FAM240C: variants seen among roughly 807,000 people sequenced by gnomAD.
FAM240C encodes the protein protein FAM240C.
FAM240C carries 14 observed loss-of-function variants against 10.0 expected under a neutral mutation model. The observed-to-expected ratio is 1.40, with a 90% CI of 0.92 to 2.19. The LOEUF (loss-of-function observed/expected upper bound fraction) is 2.19. Ranked by LOEUF, FAM240C falls within the 30% of genes most tolerant of loss-of-function variation. The pLI, the probability that FAM240C is intolerant of heterozygous loss-of-function variation, is 0.00. For synonymous variants in FAM240C, 49 were observed against 44.3 expected, an observed-to-expected ratio of 1.11 and a Z score of -0.42; for missense variants, 154 against 122.3, an observed-to-expected ratio of 1.26 and a Z score of -1.22.
chr2:241,894,450 T>C (rs1701738554), intron 2 of FAM240C, 111 bp from the exon 3 acceptor site: 3 of 1,234,424 alleles, frequency 2.4e-6, no homozygotes, highest in Non-Finnish European at 3.3e-6. Context: ...AGTATGACAC[T>C]CCCTGCCAGG....
rs1393132162 is a variant in FAM240C at position 241,900,069 on chromosome 2, AAAC to A, written c.12+286_12+288del. Reference sequence around the variant, plus strand: ...GCGACAGAGCGAGACTCCATCTCATAAACAACAACAACAGCAACAAAACAAAAC... The same window carrying A: ...GCGACAGAGCGAGACTCCATCTCATAAACAACAACAGCAACAAAACAAAAC... On this transcript the variant is annotated intron_variant, in intron 1 of 2. Coordinates refer to ENST00000404031, the MANE Select transcript of FAM240C (RefSeq NM_001382368.1). This position sits in a 1 kb window ranked among gnomAD's most constrained non-coding sequence, Gnocchi z 4.5. 1.3e-5 allele frequency among the ~76,000 whole-genome samples: 2 copies of A among 152,168 alleles called. No individual in the cohort carries two copies. The highest frequency in any genetic ancestry group is 4.8e-5 in the African/African-American group (2 of 41,442).
intron 2 of FAM240C, among the ~76,000 whole-genome samples, chr2:241,896,329 A>G (rs181528540): frequency 1.3e-5 from 2 of 152,326 alleles, no homozygotes; most frequent in Admixed American, 1.3e-4. Context: ...CTGGCTTGGT[A>G]TCTGCCTTCC....
intron 1 of FAM240C, chr2:241,899,362 A>T (rs1194071006): frequency 1.0e-6 from 1 of 984,176 alleles, no homozygotes; most frequent in African/African-American, 1.7e-5. Flanking sequence ...AGAAACTTAG[A>T]CATGCAAAGT....
Position 241,897,254 on chromosome 2 carries a change from T to G in FAM240C, c.93A>C (p.Lys31Asn). The G allele has an allele frequency of 6.5e-7, 1 of 1,549,982 alleles. No homozygotes were observed. Among genetic ancestry groups the G allele is most frequent in the Non-Finnish European group, 8.7e-7 (1 of 1,146,564 alleles). The change falls in exon 2 of 3, where the codon AAA (lysine) becomes AAC (asparagine). Residue 31 changes from lysine (K) to asparagine (N), a missense_variant. By Grantham distance (94) the Lys-to-Asn change is moderately conservative. Coordinates refer to ENST00000404031, the MANE Select transcript of FAM240C (RefSeq NM_001382368.1). ...DSGGIKMFWE[K>N]KIEHHARHLQ... is the part of the protein sequence containing the mutation. Reference sequence around the variant, plus strand: ...GGTGTCTTGCGTGATGCTCGATTTTTTTCTCCCAAAACATCTTTATCCCGC... The same window carrying G: ...GGTGTCTTGCGTGATGCTCGATTTTGTTCTCCCAAAACATCTTTATCCCGC...
chr2:241,895,488 C>A (rs1181715941), intron 2 of FAM240C, among the ~76,000 whole-genome samples: 1 of 152,224 alleles, frequency 6.6e-6, no homozygotes, highest in Non-Finnish European at 1.5e-5. Flanking sequence ...GCTCCTCTCT[C>A]ACGGCGGCTT....
chr2:241,898,520 C>T (rs1336338796), intron 1 of FAM240C, among the ~76,000 whole-genome samples: 1 of 151,950 alleles, frequency 6.6e-6, no homozygotes, highest in African/African-American at 2.4e-5. Context: ...GCACTGCACT[C>T]CAGCCTGGGT....
chr2:241,899,843 G>A (rs1028157905), intron 1 of FAM240C, among the ~76,000 whole-genome samples: 22 of 152,116 alleles, frequency 1.4e-4, no homozygotes, highest in Non-Finnish European at 2.5e-4. Context: ...CGAGGCGGGC[G>A]GATCACGAGG....
chr2:241,901,798 C>A (rs771191831), upstream of FAM240C, among the ~76,000 whole-genome samples: 1 of 152,234 alleles, frequency 6.6e-6, no homozygotes, highest in Non-Finnish European at 1.5e-5. The surrounding 1 kb of genome is among the most constrained non-coding windows in gnomAD (Gnocchi z 4.9). Context: ...AGCAGGACTG[C>A]GTTTTTGTAA....
intron 2 of FAM240C, among the ~76,000 whole-genome samples, chr2:241,894,991 G>A (rs553759512): frequency 6.6e-6 from 1 of 152,332 alleles, no homozygotes; most frequent in East Asian, 1.9e-4. Context: ...CCACCTGCCC[G>A]CAGCTGCCGC....
intron 1 of FAM240C, 133 bp from the exon 2 acceptor site, chr2:241,897,467 G>C (rs1490282722): frequency 9.5e-7 from 1 of 1,050,736 alleles, no homozygotes; most frequent in Non-Finnish European, 1.4e-6. Flanking sequence ...CCTGGTTCGT[G>C]GGGGATGGCG....
Position 241,894,145 on chromosome 2 carries a change from C to T in FAM240C, c.*68G>A. ...GTGAACTCTGGCGTGGATGCTTGGA[C>T]CCCACGCGTGGTGTTCCTTCTCCAT... On this transcript the variant is annotated 3_prime_UTR_variant, in exon 3 of 3. Coordinates refer to ENST00000404031, the MANE Select transcript of FAM240C (RefSeq NM_001382368.1). 6.7e-7 allele frequency: 1 copy of T among 1,492,556 alleles called. No individual in the cohort carries two copies. The highest frequency in any genetic ancestry group is 2.5e-5 in the East Asian group (1 of 39,976). The allele number at this position is 1,492,556 out of a possible 1,614,324, so 92.5% of individuals were successfully genotyped here. A position where few individuals can be genotyped will look rare whatever the true frequency, so the allele number is the denominator to read the frequency against.
chr2:241,901,097 G>A (rs563988128), upstream of FAM240C, among the ~76,000 whole-genome samples: 1 of 152,262 alleles, frequency 6.6e-6, no homozygotes, highest in African/African-American at 2.4e-5. The surrounding 1 kb of genome is among the most constrained non-coding windows in gnomAD (Gnocchi z 4.9). Context: ...TTCCTCCACC[G>A]CGGCACCTTC....
chr2:241,897,857 C>T (rs1038972868), intron 1 of FAM240C, among the ~76,000 whole-genome samples: 10 of 152,180 alleles, frequency 6.6e-5, no homozygotes, highest in African/African-American at 2.4e-4. Context: ...ACCTCAGCTT[C>T]CTGAGTAGCT....
Position 241,895,602 on chromosome 2 carries a change from C to T in FAM240C, c.162-1263G>A, listed in dbSNP as rs142998011. Among the ~76,000 whole-genome samples, 1,075 of 152,344 alleles carry T rather than the reference C, an allele frequency of 7.1e-3. 18 individuals are homozygous for T. The highest frequency in any genetic ancestry group is 0.024 in the African/African-American group (1,012 of 41,586). ...AGTTAGGCTACTCTCTAACGGGAAC[C>T]CTAAGAGTGACCTCCTTAAAAGCAG... On this transcript the variant is annotated intron_variant, in intron 2 of 2. Coordinates refer to ENST00000404031, the MANE Select transcript of FAM240C (RefSeq NM_001382368.1).
chr2:241,897,676 C>T (rs1701886372), intron 1 of FAM240C, among the ~76,000 whole-genome samples: 1 of 152,246 alleles, frequency 6.6e-6, no homozygotes, highest in Admixed American at 6.5e-5. Context: ...GGGTGATCTG[C>T]AGTCCCACCA....
chr2:241,900,557 C>T (rs530590851), upstream of FAM240C: 12 of 587,042 alleles, frequency 2.0e-5, no homozygotes, highest in East Asian at 2.0e-4. The surrounding 1 kb of genome is among the most constrained non-coding windows in gnomAD (Gnocchi z 4.5). Flanking sequence ...CAGAGCTGTC[C>T]GTCCGGAGGG....
intron 1 of FAM240C, among the ~76,000 whole-genome samples, chr2:241,898,072 TTTGG>T (rs1263768353): frequency 6.6e-6 from 1 of 152,146 alleles, no homozygotes; most frequent in Non-Finnish European, 1.5e-5. Context: ...TTGGGTACCT[TTTGG>T]TTTGAAATAT....
chr2:241,895,070 G>A (rs1011315955), intron 2 of FAM240C, among the ~76,000 whole-genome samples: 6 of 152,256 alleles, frequency 3.9e-5, no homozygotes, highest in Non-Finnish European at 5.9e-5. Context: ...CTCCAGCCAA[G>A]GGTGAGCTGT....
intron 1 of FAM240C, among the ~76,000 whole-genome samples, chr2:241,897,755 A>G (rs903566438): frequency 6.6e-6 from 1 of 152,042 alleles, no homozygotes; most frequent in African/African-American, 2.4e-5. Context: ...TGTTTTTGAG[A>G]CAGGGTCTCA....
Sources: gnomAD v4.1 joint callset for allele counts (sites outside exome capture counted in the v4.1 genomes callset) on GRCh38, gnomAD v4.1.1 for gene constraint, Gnocchi (gnomAD v3.1) non-coding constraint, MANE v1.5 for transcripts, NCBI Gene and HGNC (gene_info 2026-07-23, HGNC 2026-07-21) for gene names.